The following DZANK1 variants were observed in gnomAD, a reference collection of about 807,000 sequenced individuals.
DZANK1 encodes double zinc ribbon and ankyrin repeat domains 1, also known as double zinc ribbon and ankyrin repeat-containing protein 1.
DZANK1 carries 91 observed loss-of-function variants against 94.5 expected under a neutral mutation model. The ratio of observed to expected loss-of-function variants is 0.96; its 90% CI spans 0.81 to 1.15. The LOEUF is 1.15. Ranked by LOEUF, DZANK1 falls within the 50% of genes most tolerant of loss-of-function variation. The pLI, the probability that DZANK1 is intolerant of heterozygous loss-of-function variation, is 0.00. For synonymous variants in DZANK1, 312 were observed against 325.3 expected, an observed-to-expected ratio of 0.96 and a Z score of 0.44; for missense variants, 903 against 916.4, an observed-to-expected ratio of 0.99 and a Z score of 0.19.
At chr20:18,425,625 T>C (rs1433220716) in intron 10 of DZANK1, among the ~76,000 whole-genome samples, 1 of 151,964 alleles carries the variant, frequency 6.6e-6, no homozygotes, top group East Asian at 1.9e-4. Context: ...AAAAGATAAG[T>C]TGAAGTCCTA....
At chr20:18,463,287 C>G (rs2148826127) in intron 2 of DZANK1, among the ~76,000 whole-genome samples, 1 of 152,170 alleles carries the variant, frequency 6.6e-6, no homozygotes, top group East Asian at 1.9e-4. Context: ...CGTGTTCTCA[C>G]TTATAAATGG....
chr20:18,451,803 C>T, intron 6 of DZANK1: 1 of 501,322 alleles, frequency 2.0e-6, no homozygotes, highest in Non-Finnish European at 4.0e-6. Flanking sequence ...AAGCCCGCCT[C>T]CTATCCTGAC....
chr20:18,464,699 G>A (rs2059586824), intron 2 of DZANK1, among the ~76,000 whole-genome samples: 2 of 122,966 alleles, frequency 1.6e-5, no homozygotes, highest in African/African-American at 3.1e-5. Context: ...TTTTTGAGAC[G>A]GAGTCTTGCT....
At chr20:18,413,079 TC>T in intron 12 of DZANK1, 1 of 577,172 alleles carries the variant, frequency 1.7e-6, no homozygotes, top group Non-Finnish European at 3.0e-6. Flanking sequence ...AGTCAGCAAA[TC>T]AAGGGGTGTT....
intron 10 of DZANK1, among the ~76,000 whole-genome samples, chr20:18,416,313 G>C (rs761219940): frequency 6.6e-6 from 1 of 152,182 alleles, no homozygotes; most frequent in Non-Finnish European, 1.5e-5. Context: ...CAGTTAAGTG[G>C]ATAGGAATGC....
intron 9 of DZANK1, among the ~76,000 whole-genome samples, chr20:18,427,433 C>T (rs1368998271): frequency 6.6e-6 from 1 of 152,048 alleles, no homozygotes; most frequent in Non-Finnish European, 1.5e-5. Flanking sequence ...AGTGATCCTC[C>T]CACTTCAGCC....
chr20:18,390,451 G>C (rs759329269), exon 18 of DZANK1: 4 of 1,613,734 alleles, frequency 2.5e-6, no homozygotes, highest in Non-Finnish European at 3.4e-6. Flanking sequence ...GCAGGAGTCT[G>C]TTTTCAGGCT....
intron 12 of DZANK1, 184 bp from the exon 13 acceptor site, chr20:18,413,037 C>A: frequency 1.6e-6 from 1 of 632,652 alleles, no homozygotes; most frequent in Admixed American, 3.0e-5. Flanking sequence ...CAACTTCCAG[C>A]CTGATCCAGG....
At chr20:18,394,306 CAGA>C in exon 16 of DZANK1, 1 of 1,613,876 alleles carries the variant, frequency 6.2e-7, no homozygotes, top group Non-Finnish European at 8.5e-7. Context: ...CAGCACTGCT[CAGA>C]AGGTGATCGC....
chr20:18,452,312 G>T (rs1379910541), intron 6 of DZANK1, among the ~76,000 whole-genome samples: 1 of 152,122 alleles, frequency 6.6e-6, no homozygotes, highest in African/African-American at 2.4e-5. Flanking sequence ...GATGCTGCAG[G>T]TCTGGGGATC....
At chr20:18,439,787 A>G (rs1220747519) in intron 8 of DZANK1, among the ~76,000 whole-genome samples, 1 of 152,190 alleles carries the variant, frequency 6.6e-6, no homozygotes, top group Non-Finnish European at 1.5e-5. Flanking sequence ...GGTAAGAGTT[A>G]GGGATGCAGG....
At chr20:18,416,309 A>G (rs1467363996) in intron 10 of DZANK1, among the ~76,000 whole-genome samples, 1 of 152,198 alleles carries the variant, frequency 6.6e-6, no homozygotes, top group African/African-American at 2.4e-5. Flanking sequence ...CCCACAGTTA[A>G]GTGGATAGGA....
At chr20:18,417,746 A>C (rs1365729415) in intron 10 of DZANK1, among the ~76,000 whole-genome samples, 2 of 152,184 alleles carry the variant, frequency 1.3e-5, no homozygotes, top group Non-Finnish European at 2.9e-5. Context: ...TAATGATAGC[A>C]TAAGACCATA....
chr20:18,458,769 C>A (rs1214786977), intron 3 of DZANK1, among the ~76,000 whole-genome samples: 1 of 152,188 alleles, frequency 6.6e-6, no homozygotes, highest in South Asian at 2.1e-4. Flanking sequence ...TACAACCCCA[C>A]ATGAGGTCAC....
At chr20:18,434,136 T>G (rs1415395182) in intron 8 of DZANK1, among the ~76,000 whole-genome samples, 2 of 151,532 alleles carry the variant, frequency 1.3e-5, no homozygotes, top group East Asian at 3.9e-4. Context: ...TTATTCCTAT[T>G]AAGAGTAAAA....
At chr20:18,403,796 CTTTTTTTTTTT>C (rs35824877) in intron 13 of DZANK1, among the ~76,000 whole-genome samples, 1 of 111,756 alleles carries the variant, frequency 8.9e-6, no homozygotes, top group East Asian at 2.9e-4. Context: ...AACTTTCTTT[CTTTTTTTTTTT>C]TTTTTTTTTT....
At chr20:18,437,957 G>A (rs541221605) in intron 8 of DZANK1, among the ~76,000 whole-genome samples, 305 of 152,080 alleles carry the variant, frequency 2.0e-3, no homozygotes, top group Non-Finnish European at 3.7e-3. Flanking sequence ...GGTGGCTCAC[G>A]CCTGTAATCC....
chr20:18,429,924 G>A (rs1439356610), intron 9 of DZANK1, among the ~76,000 whole-genome samples: 1 of 152,204 alleles, frequency 6.6e-6, no homozygotes, highest in Non-Finnish European at 1.5e-5. Context: ...GCTACCATCA[G>A]ATGGCCTTAA....
intron 14 of DZANK1, among the ~76,000 whole-genome samples, chr20:18,398,073 C>T (rs982808763): frequency 2.0e-5 from 3 of 152,146 alleles, no homozygotes. Flanking sequence ...AAAGTGATCA[C>T]AAAGGTAATA....
Sources: gnomAD v4.1 joint callset for allele counts (sites outside exome capture counted in the v4.1 genomes callset) on GRCh38, gnomAD v4.1.1 for gene constraint, MANE v1.5 for transcripts, NCBI Gene and HGNC (gene_info 2026-07-23, HGNC 2026-07-21) for gene names.